The following MYH11 variants were observed in gnomAD, a reference collection of about 807,000 sequenced individuals.
MYH11 encodes the protein myosin-11.
A neutral mutation model predicts 246.6 loss-of-function variants in MYH11; 80 were observed. The ratio of observed to expected loss-of-function variants is 0.32; its 90% confidence interval spans 0.27 to 0.39. The LOEUF (loss-of-function observed/expected upper bound fraction) is 0.39. MYH11 is among the 10% of genes least tolerant of loss of function. The pLI, the probability that MYH11 is intolerant of heterozygous loss-of-function variation, is 1.00. For missense variants in MYH11, 2,158 were observed against 2,546.8 expected (o/e 0.85, Z 3.29); for synonymous variants, 1,071 against 1,015.5 (o/e 1.05, Z -1.04).
In MYH11 at chr16:15,735,523, C is replaced by T; in HGVS notation, c.3349G>A (p.Glu1117Lys). Residue 1117 changes from glutamate (E) to lysine (K), a missense_variant, in exon 26 of 41, where the codon GAG (glutamate) becomes AAG (lysine). Coordinates refer to ENST00000300036, the MANE Select transcript of MYH11 (RefSeq NM_002474.3). ...TCCTGGAGGTCTGAGATGTGGCCCTCCAGCTCCCGGATCTTCTTCAGGGCA... is the reference window on the plus strand; with the variant it reads ...TCCTGGAGGTCTGAGATGTGGCCCTTCAGCTCCCGGATCTTCTTCAGGGCA... Reference protein sequence around the residue: ...NNALKKIRELEGHISDLQEDL... With the variant: ...NNALKKIRELKGHISDLQEDL... 2 of 1,614,150 alleles carry T rather than the reference C, an allele frequency of 1.2e-6. No homozygotes were observed. The highest frequency in any genetic ancestry group is 1.7e-6 in the Non-Finnish European group (2 of 1,180,034).
At chr16:15,770,672 G>T (rs890325515) in intron 9 of MYH11, among the ~76,000 whole-genome samples, 3 of 152,098 alleles carry the variant, frequency 2.0e-5, no homozygotes, top group African/African-American at 7.2e-5. Flanking sequence ...TCAGCTCCAA[G>T]AATCCATTCT....
chr16:15,720,692 C>T, intron 33 of MYH11, 147 bp downstream of exon 33: 1 of 894,672 alleles, frequency 1.1e-6, no homozygotes, highest in Non-Finnish European at 1.8e-6. Flanking sequence ...GAGATTACGC[C>T]ACTGCACTCC....
At chr16:15,833,996 G>A (rs1370016451) in intron 2 of MYH11, among the ~76,000 whole-genome samples, 1 of 152,308 alleles carries the variant, frequency 6.6e-6, no homozygotes, top group South Asian at 2.1e-4. Flanking sequence ...AAGCATAGCA[G>A]GAATTTGAAG....
At chr16:15,721,215 C>A in intron 32 of MYH11, 164 bp from the exon 33 acceptor site, 1 of 961,946 alleles carries the variant, frequency 1.0e-6, no homozygotes, top group South Asian at 1.5e-5. Flanking sequence ...AGACCCCAGC[C>A]TTATCCTCGG....
intron 1 of MYH11, among the ~76,000 whole-genome samples, chr16:15,843,698 TC>T (rs1186841143): frequency 1.3e-4 from 10 of 78,504 alleles, no homozygotes; most frequent in East Asian, 1.2e-3. Context: ...AGACTCCGTC[TC>T]AAAAAAAAAA....
intron 2 of MYH11, among the ~76,000 whole-genome samples, chr16:15,825,386 C>CAAAAA (rs1212947132): frequency 1.8e-4 from 11 of 60,970 alleles, no homozygotes; most frequent in African/African-American, 4.8e-4. Flanking sequence ...CCCCTCTCTA[C>CAAAAA]AAAAAAAAAA....
chr16:15,727,044 T>C lies in MYH11; in HGVS notation c.3662A>G (p.Asn1221Ser). 3 of 1,613,448 alleles carry C rather than the reference T, an allele frequency of 1.9e-6. No homozygotes were observed. The South Asian group carries it at 3.3e-5, about 18-fold the overall frequency. ...CAGCGTCTGCTTATTCTTGTCTAGG[T>C]TCGCCTTGGCCTGGCGAAGGAAGCA... ...QLEQFKRAKANLDKNKQTLEK... is the reference protein window; with the variant it reads ...QLEQFKRAKASLDKNKQTLEK... Residue 1221 changes from asparagine (N) to serine (S), a missense_variant, in exon 28 of 41, where the codon AAC (asparagine) becomes AGC (serine). Physicochemically the swap from Asn to Ser is conservative, Grantham distance 46. This residue lies in a region of MYH11 where 1,013 missense variants were observed against 993.5 expected (regional missense o/e 1.02). Coordinates refer to ENST00000300036, the MANE Select transcript of MYH11 (RefSeq NM_002474.3).
chr16:15,738,222 A>C (rs1384256208), intron 24 of MYH11, among the ~76,000 whole-genome samples: 1 of 151,738 alleles, frequency 6.6e-6, no homozygotes, highest in African/African-American at 2.4e-5. Flanking sequence ...ATACCCATTC[A>C]AGCCCAGGAA....
In MYH11 at chr16:15,740,066, G is replaced by T; in HGVS notation, c.2982C>A (p.Asn994Lys). 1 of 1,614,034 alleles carries T rather than the reference G, an allele frequency of 6.2e-7. No homozygotes were observed. The highest frequency in any genetic ancestry group is 2.2e-5 in the East Asian group (1 of 44,876). ...CCCTACTCACTTTTGATAGTTTATT[G>T]TTCTGATCATCCATGACCAGGATCT... ...EDEILVMDDQNNKLSKERKLL... is the reference protein window; with the variant it reads ...EDEILVMDDQKNKLSKERKLL... Residue 994 changes from asparagine (N) to lysine (K), a missense_variant, in exon 23 of 41, where the codon AAC (asparagine) becomes AAA (lysine). By Grantham distance (94) the Asn-to-Lys change is moderately conservative. This residue lies in a region of MYH11 where 284 missense variants were observed against 315.4 expected (regional missense o/e 0.90). Coordinates refer to ENST00000300036, the MANE Select transcript of MYH11 (RefSeq NM_002474.3).
At chr16:15,740,006 T>G (rs2041226236) in intron 23 of MYH11, 45 bp downstream of exon 23, 1 of 1,608,392 alleles carries the variant, frequency 6.2e-7, no homozygotes, top group African/African-American at 1.3e-5. Context: ...CCTCCCAAAG[T>G]GCTCGGATTA....
chr16:15,737,602 TCTTC>T lies in MYH11; in HGVS notation c.3136_3139del (p.Glu1046ArgfsTer10). The T allele has an allele frequency of 1.2e-6, 2 of 1,613,200 alleles. No homozygotes were observed. Among genetic ancestry groups the T allele is most frequent in the Non-Finnish European group, 1.7e-6 (2 of 1,179,996 alleles). ...CTTCTCCAGCTCCTGTCGGCTCTTCTCTTCCTTCTTTAGCCGCACTGCAAAAACC... is the reference window on the plus strand; with the variant it reads ...CTTCTCCAGCTCCTGTCGGCTCTTCTCTTCTTTAGCCGCACTGCAAAAACC... On this transcript the variant is annotated frameshift_variant, in exon 25 of 41. Coordinates refer to ENST00000300036, the MANE Select transcript of MYH11 (RefSeq NM_002474.3). LOFTEE classifies it high-confidence loss of function.
intron 40 of MYH11, 128 bp downstream of exon 40, chr16:15,714,781 G>T: frequency 8.3e-7 from 1 of 1,200,240 alleles, no homozygotes; most frequent in Non-Finnish European, 1.2e-6. Context: ...AGGAGAAGCA[G>T]GAATAAACCA....
chr16:15,784,821 G>A (rs1316534016), intron 5 of MYH11: 1 of 1,327,576 alleles, frequency 7.5e-7, no homozygotes, highest in Non-Finnish European at 1.1e-6. Flanking sequence ...CAAACAGCCT[G>A]GAGTCTCCCA....
chr16:15,774,832 G>A (rs940054427), intron 8 of MYH11, among the ~76,000 whole-genome samples: 12 of 151,974 alleles, frequency 7.9e-5, no homozygotes, highest in Non-Finnish European at 1.3e-4. Context: ...CAGGTAATCC[G>A]CCCGCCTCTG....
intron 31 of MYH11, among the ~76,000 whole-genome samples, chr16:15,722,174 G>A (rs775153068): frequency 1.3e-5 from 2 of 152,028 alleles, no homozygotes; most frequent in Non-Finnish European, 2.9e-5. Flanking sequence ...CTTGTGCTTC[G>A]AAACCACTAG....
chr16:15,733,878 G>T lies in MYH11; in HGVS notation c.3507-1170C>A, dbSNP rs1217409123. Among the ~76,000 whole-genome samples, 5 of 152,188 alleles carry T rather than the reference G, an allele frequency of 3.3e-5. No individual in the cohort carries two copies. In the East Asian group the frequency reaches 9.6e-4, roughly 29 times the overall value. On this transcript the variant is annotated intron_variant, in intron 26 of 40. Transcript: ENST00000300036. ...GCTCTTCTGTATCAAAGGCCAAGCG[G>T]CAAGGGAGCAGAACGCTGTGCTCTA...
chr16:15,830,561 T>C (rs2151373766), intron 2 of MYH11, among the ~76,000 whole-genome samples: 1 of 152,216 alleles, frequency 6.6e-6, no homozygotes, highest in South Asian at 2.1e-4. Context: ...GGAGGGGCTC[T>C]CTATGTGGCT....
chr16:15,750,820 C>T lies in MYH11; in HGVS notation c.1865-489G>A, dbSNP rs1441663921. Among the ~76,000 whole-genome samples, 1 of 152,108 alleles carries T rather than the reference C, an allele frequency of 6.6e-6. No individual in the cohort carries two copies. The highest frequency in any genetic ancestry group is 1.9e-4 in the East Asian group (1 of 5,194). Reference sequence around the variant, plus strand: ...AACAAAAAAAGACCCGGCCCCCTCACCCCGCTTATATCACAGGGAAGGAGA... The same window carrying T: ...AACAAAAAAAGACCCGGCCCCCTCATCCCGCTTATATCACAGGGAAGGAGA... On this transcript the variant is annotated intron_variant, in intron 15 of 40. Transcript: ENST00000300036. This position sits in a 1 kb window ranked among gnomAD's most constrained non-coding sequence, Gnocchi z 4.3.
chr16:15,803,854 T>C (rs2042947456), intron 3 of MYH11, among the ~76,000 whole-genome samples: 1 of 152,098 alleles, frequency 6.6e-6, no homozygotes, highest in Non-Finnish European at 1.5e-5. Context: ...GGCTCCGAGC[T>C]GGGGGCTGCT....
Sources: gnomAD v4.1 joint callset for allele counts (sites outside exome capture counted in the v4.1 genomes callset) on GRCh38, gnomAD v4.1.1 for gene constraint, gnomAD v4.1.1 regional missense constraint, Gnocchi (gnomAD v3.1) non-coding constraint, MANE v1.5 for transcripts, NCBI Gene and HGNC (gene_info 2026-07-23, HGNC 2026-07-21) for gene names.